TAFA1: variants seen among roughly 807,000 people sequenced by gnomAD.
The protein encoded by TAFA1 is TAFA chemokine like family member 1, also known as chemokine-like protein TAFA-1.
In TAFA1, 4 loss-of-function variants were observed where a neutral mutation model predicts 18.5. That is an observed-to-expected ratio of 0.22 (90% CI 0.11 to 0.49). The LOEUF (loss-of-function observed/expected upper bound fraction) is 0.49, where lower values mean the gene tolerates loss of function less well. TAFA1 is among the 20% of genes least tolerant of loss of function. The probability of loss-of-function intolerance (pLI) is 0.98; values close to 1 mark genes in which losing one functional copy is unlikely to be tolerated. For synonymous variants in TAFA1, 56 were observed against 55.2 expected (o/e 1.01, Z -0.06); for missense variants, 147 against 169.0 (o/e 0.87, Z 0.72).
chr3:68,061,236 G>T (rs1285109017), intron 2 of TAFA1, among the ~76,000 whole-genome samples: 1 of 152,176 alleles, frequency 6.6e-6, no homozygotes, highest in Non-Finnish European at 1.5e-5. Context: ...TTGAAAAGGA[G>T]ATTTATTAAG....
chr3:68,432,082 C>T (rs181259973), intron 3 of TAFA1, among the ~76,000 whole-genome samples: 17 of 151,974 alleles, frequency 1.1e-4, no homozygotes, highest in African/African-American at 1.4e-4. Context: ...CCACCAGGGC[C>T]GGATGGTGGT....
chr3:68,235,045 G>A (rs755954288), intron 2 of TAFA1, among the ~76,000 whole-genome samples: 5 of 152,228 alleles, frequency 3.3e-5, no homozygotes, highest in African/African-American at 4.8e-5. Context: ...TTATATACAC[G>A]TTTGCTGGAG....
intron 2 of TAFA1, among the ~76,000 whole-genome samples, chr3:68,364,936 G>A (rs1186802348): frequency 6.6e-6 from 1 of 152,124 alleles, no homozygotes; most frequent in Non-Finnish European, 1.5e-5. Flanking sequence ...GCAGGGATTT[G>A]AACCTAAACA....
chr3:68,384,641 G>C (rs566889204), intron 2 of TAFA1, among the ~76,000 whole-genome samples: 1 of 152,160 alleles, frequency 6.6e-6, no homozygotes. Flanking sequence ...TATATATTCT[G>C]TTGTTTTGGG....
At chr3:68,121,512 T>A (rs1045643491) in intron 2 of TAFA1, among the ~76,000 whole-genome samples, 3 of 152,160 alleles carry the variant, frequency 2.0e-5, no homozygotes, top group Non-Finnish European at 2.9e-5. Context: ...TGAAGAACAC[T>A]CTTGAACTGA....
rs927491690 is a variant in TAFA1, at chr3:68,195,485, G to T, written c.118+188741G>T. ...TAAACATCAGTACCTCTAGACCACTGGTTCTAAACCAGGGGTAACTGCCCC... is the reference window on the plus strand; with the variant it reads ...TAAACATCAGTACCTCTAGACCACTTGTTCTAAACCAGGGGTAACTGCCCC... On this transcript the variant is annotated intron_variant, in intron 2 of 4. Coordinates refer to ENST00000478136, the MANE Select transcript of TAFA1 (RefSeq NM_213609.4). 6.0e-5 allele frequency among the ~76,000 whole-genome samples: 9 copies of T among 151,024 alleles called. No homozygotes were observed. The South Asian group carries it at 1.3e-3, about 21-fold the overall frequency.
At chr3:67,995,866 C>A in the TAFA1 span, among the ~76,000 whole-genome samples, 1 of 152,338 alleles carries the variant, frequency 6.6e-6, no homozygotes, top group Non-Finnish European at 1.5e-5. Context: ...CCACTGCCAA[C>A]GGCTTGCTTA....
intron 2 of TAFA1, among the ~76,000 whole-genome samples, chr3:68,313,256 C>A (rs557990029): frequency 6.6e-6 from 1 of 152,174 alleles, no homozygotes; most frequent in East Asian, 1.9e-4. Context: ...TAAACAATTA[C>A]ATTTGAAAGC....
At chr3:68,162,840 A>G (rs973044333) in intron 2 of TAFA1, among the ~76,000 whole-genome samples, 2 of 152,202 alleles carry the variant, frequency 1.3e-5, no homozygotes, top group African/African-American at 4.8e-5. Context: ...AGTGCACTCT[A>G]TGTCCAGACT....
At chr3:68,041,924 T>C (rs1705173175) in intron 2 of TAFA1, among the ~76,000 whole-genome samples, 1 of 152,152 alleles carries the variant, frequency 6.6e-6, no homozygotes, top group Non-Finnish European at 1.5e-5. Context: ...ATCATGGACC[T>C]GGAGTAGAGA....
intron 2 of TAFA1, among the ~76,000 whole-genome samples, chr3:68,130,477 T>A (rs1427153341): frequency 5.3e-5 from 8 of 152,126 alleles, no homozygotes; most frequent in Admixed American, 5.2e-4. Context: ...AGTTTCCTGT[T>A]TCTCATCTAA....
At chr3:68,399,748 C>T (rs565202535) in intron 2 of TAFA1, among the ~76,000 whole-genome samples, 1 of 152,282 alleles carries the variant, frequency 6.6e-6, no homozygotes, top group Admixed American at 6.5e-5. Context: ...GTCCTCATAT[C>T]TACTCAATGA....
chr3:68,340,825 T>G (rs1021526286), intron 2 of TAFA1, among the ~76,000 whole-genome samples: 9 of 152,312 alleles, frequency 5.9e-5, no homozygotes, highest in Non-Finnish European at 1.3e-4. Flanking sequence ...TACAATTTAA[T>G]GAGGAAGACA....
At chr3:68,119,906 G>A (rs866073798) in intron 2 of TAFA1, among the ~76,000 whole-genome samples, 17 of 152,188 alleles carry the variant, frequency 1.1e-4, no homozygotes, top group Non-Finnish European at 2.1e-4. Context: ...TAAATTTTAG[G>A]TATACTCCAT....
intron 2 of TAFA1, among the ~76,000 whole-genome samples, chr3:68,307,684 A>G (rs1443088078): frequency 6.6e-6 from 1 of 152,166 alleles, no homozygotes; most frequent in Non-Finnish European, 1.5e-5. Context: ...AAGGCACTTG[A>G]AAAAACTGGA....
intron 2 of TAFA1, among the ~76,000 whole-genome samples, chr3:68,312,274 C>T (rs1227944104): frequency 6.6e-6 from 1 of 152,212 alleles, no homozygotes; most frequent in Non-Finnish European, 1.5e-5. Flanking sequence ...TAACCTTTGG[C>T]TCCTCATTAC....
chr3:68,010,260 T>G (rs1166056335), intron 2 of TAFA1, among the ~76,000 whole-genome samples: 1 of 152,154 alleles, frequency 6.6e-6, no homozygotes, highest in African/African-American at 2.4e-5. Flanking sequence ...GCACTTTGGC[T>G]GTTCCTTGCA....
intron 2 of TAFA1, among the ~76,000 whole-genome samples, chr3:68,244,927 A>C (rs986907611): frequency 1.3e-5 from 2 of 152,220 alleles, no homozygotes; most frequent in Non-Finnish European, 2.9e-5. Context: ...GTGTGACACA[A>C]AGTAGAATCC....
At chr3:68,104,949 G>T (rs937618056) in intron 2 of TAFA1, among the ~76,000 whole-genome samples, 1 of 152,134 alleles carries the variant, frequency 6.6e-6, no homozygotes, top group African/African-American at 2.4e-5. Flanking sequence ...TCACGGTTCT[G>T]CAGGCTGTAC....
Sources: allele counts gnomAD v4.1 joint callset (sites outside exome capture counted in the v4.1 genomes callset), GRCh38; gene constraint gnomAD v4.1.1; transcripts MANE v1.5; gene names NCBI Gene and HGNC (gene_info 2026-07-23, HGNC 2026-07-21).